The following DCC variants were observed in gnomAD, a reference collection of about 807,000 sequenced individuals.
DCC encodes DCC netrin 1 receptor.
Under a neutral mutation model 172.5 loss-of-function variants are expected in DCC, and 58 were observed. The observed-to-expected ratio is 0.34, with a 90% CI of 0.27 to 0.42. The LOEUF is 0.42. Ranked by LOEUF, DCC falls within the 10% of genes least tolerant of loss-of-function variation. The pLI is 1.00. For synonymous variants in DCC, 709 were observed against 644.5 expected (o/e 1.10, Z -1.52); for missense variants, 1,740 against 1,791.0 (o/e 0.97, Z 0.51).
chr18:52,728,172 C>CAT lies in DCC; in HGVS notation c.92-23882_92-23881insAT, dbSNP rs556057258. ...CCTATTTAATTATGATTGTGGGCCCCGTCTCTCTCTCTCTCTCTCTCTCAA... is the reference window on the plus strand; with the variant it reads ...CCTATTTAATTATGATTGTGGGCCCCATGTCTCTCTCTCTCTCTCTCTCTCAA... On this transcript the variant is annotated intron_variant, in intron 1 of 28. Transcript: ENST00000442544. Among the ~76,000 whole-genome samples, 1,102 of 139,722 alleles carry CAT rather than the reference C, an allele frequency of 7.9e-3. 12 individuals carry two copies. Among genetic ancestry groups the CAT allele is most frequent in the African/African-American group, 0.029 (1,067 of 37,232 alleles). 91.7% of individuals were successfully genotyped at this position (139,722 alleles called of 152,430 possible).
chr18:53,336,512 C>T (rs1056299924), intron 14 of DCC, among the ~76,000 whole-genome samples: 3 of 152,016 alleles, frequency 2.0e-5, no homozygotes, highest in African/African-American at 7.2e-5. Context: ...CTAATACTAC[C>T]TTGAAGGAAC....
chr18:52,388,489 T>C (rs1985904663), intron 1 of DCC, among the ~76,000 whole-genome samples: 1 of 151,356 alleles, frequency 6.6e-6, no homozygotes, highest in Non-Finnish European at 1.5e-5. Context: ...GCAGAAGCAT[T>C]TTCCTTTATA....
intron 2 of DCC, among the ~76,000 whole-genome samples, chr18:52,904,516 T>C (rs569193192): frequency 6.6e-6 from 1 of 152,314 alleles, no homozygotes; most frequent in East Asian, 1.9e-4. Context: ...CACAGCAAAA[T>C]TTGTATCAGG....
intron 1 of DCC, among the ~76,000 whole-genome samples, chr18:52,492,693 C>T (rs1020943200): frequency 1.3e-5 from 2 of 152,034 alleles, no homozygotes; most frequent in Non-Finnish European, 2.9e-5. Context: ...ACTGAGACTT[C>T]CCCAACACGA....
At chr18:52,400,378 T>G (rs555613256) in intron 1 of DCC, among the ~76,000 whole-genome samples, 2 of 152,014 alleles carry the variant, frequency 1.3e-5, no homozygotes, top group Non-Finnish European at 2.9e-5. Context: ...AAGGAATCAG[T>G]TCAAAAGTCA....
At chr18:52,543,628 G>C (rs1399446463) in intron 1 of DCC, among the ~76,000 whole-genome samples, 2 of 152,210 alleles carry the variant, frequency 1.3e-5, no homozygotes, top group Non-Finnish European at 2.9e-5. Context: ...GGGCTGTGGA[G>C]AAAAGGTGAA....
chr18:52,859,177 G>A (rs924959332), intron 2 of DCC, among the ~76,000 whole-genome samples: 2 of 152,118 alleles, frequency 1.3e-5, no homozygotes, highest in Non-Finnish European at 2.9e-5. Context: ...GGCCCATAGT[G>A]GTAATGTGGC....
chr18:53,368,965 C>G (rs2058032727), intron 15 of DCC, among the ~76,000 whole-genome samples: 2 of 151,664 alleles, frequency 1.3e-5, no homozygotes, highest in African/African-American at 4.8e-5. Context: ...GTTTTCTGTT[C>G]TAAAAAAAAT....
intron 1 of DCC, among the ~76,000 whole-genome samples, chr18:52,527,222 T>A (rs932149946): frequency 6.6e-6 from 1 of 152,180 alleles, no homozygotes; most frequent in African/African-American, 2.4e-5. Flanking sequence ...TTTAGAGCAA[T>A]TTGTTCTTCT....
intron 7 of DCC, among the ~76,000 whole-genome samples, chr18:53,097,957 T>C (rs1179584319): frequency 6.6e-6 from 1 of 152,106 alleles, no homozygotes; most frequent in Non-Finnish European, 1.5e-5. Context: ...CATTGGGGGT[T>C]AGAGCTTCAA....
chr18:53,524,216 A>G lies in DCC; in HGVS notation c.4112-2401A>G, dbSNP rs1276962485. On this transcript the variant is annotated intron_variant, in intron 27 of 28. Coordinates refer to ENST00000442544, the MANE Select transcript of DCC (RefSeq NM_005215.4). ...TTTAGCCATTCTATAATGTATATAC[A>G]TGTATCAAAACATTGTTTTACACCA... Among the ~76,000 whole-genome samples, 4 of 152,178 alleles carry G rather than the reference A, an allele frequency of 2.6e-5. No individual in the cohort carries two copies. In the East Asian group the frequency reaches 5.8e-4, roughly 22 times the overall value.
At chr18:52,505,834 G>C (rs1270320322) in intron 1 of DCC, among the ~76,000 whole-genome samples, 4 of 152,164 alleles carry the variant, frequency 2.6e-5, no homozygotes. Flanking sequence ...GATTCTGTCA[G>C]AATAGCATTG....
At chr18:53,298,054 A>G (rs2057088292) in intron 12 of DCC, among the ~76,000 whole-genome samples, 1 of 152,190 alleles carries the variant, frequency 6.6e-6, no homozygotes, top group South Asian at 2.1e-4. Flanking sequence ...GGTATTGGCT[A>G]TGTGGGAATA....
chr18:53,244,965 C>T (rs1021925083), intron 12 of DCC, among the ~76,000 whole-genome samples: 1 of 152,062 alleles, frequency 6.6e-6, no homozygotes, highest in African/African-American at 2.4e-5. Context: ...TTTTAATATT[C>T]TCAATCTAAA....
At position 53,304,841 on chromosome 18, in the gene DCC, C is replaced by G. The variant is rs75015568; in HGVS notation, c.1912-737C>G. Among the ~76,000 whole-genome samples, 809 of 152,290 alleles carry G rather than the reference C, an allele frequency of 5.3e-3. 32 individuals carry two copies. In the East Asian group the frequency reaches 0.094, roughly 18 times the overall value. On this transcript the variant is annotated intron_variant, in intron 12 of 28. Transcript: ENST00000442544. ...AGTTTTCCGGCTCTCTTCTTTGGCT[C>G]AGTCAACCTATGATACGGTTTGACT...
chr18:53,428,986 TTA>T (rs1911367391), intron 21 of DCC, among the ~76,000 whole-genome samples: 1 of 79,660 alleles, frequency 1.3e-5, no homozygotes, highest in African/African-American at 5.4e-5. Flanking sequence ...TATATATATT[TTA>T]TATATTTTTT....
intron 1 of DCC, among the ~76,000 whole-genome samples, chr18:52,506,009 C>T (rs995826806): frequency 4.0e-4 from 61 of 152,256 alleles, no homozygotes; most frequent in African/African-American, 1.4e-3. Flanking sequence ...GTTCACAGAG[C>T]TGGCTGACAG....
At chr18:52,445,510 C>T (rs1988093984) in intron 1 of DCC, among the ~76,000 whole-genome samples, 1 of 152,174 alleles carries the variant, frequency 6.6e-6, no homozygotes, top group South Asian at 2.1e-4. Context: ...TATATATTCA[C>T]ATATATTGTG....
Position 52,382,033 on chromosome 18 carries a change from G to A in DCC, c.91+41155G>A, listed in dbSNP as rs181112282. 5.9e-5 allele frequency among the ~76,000 whole-genome samples: 9 copies of A among 152,198 alleles called. No homozygotes were observed. The South Asian group carries it at 1.7e-3, about 28-fold the overall frequency. On this transcript the variant is annotated intron_variant, in intron 1 of 28. Transcript: ENST00000442544. ...AAGGAGTCACATATCTTTGGATGAGGATCTAAGACTGACTCCCTAATAGCC... is the reference window on the plus strand; with the variant it reads ...AAGGAGTCACATATCTTTGGATGAGAATCTAAGACTGACTCCCTAATAGCC...
Sources: allele counts gnomAD v4.1 joint callset (sites outside exome capture counted in the v4.1 genomes callset), GRCh38; gene constraint gnomAD v4.1.1; transcripts MANE v1.5; gene names NCBI Gene and HGNC (gene_info 2026-07-23, HGNC 2026-07-21).